TBC1D31: variants seen among roughly 807,000 people sequenced by gnomAD.
TBC1D31 encodes the protein WD repeat domain 67.
A neutral mutation model predicts 132.9 loss-of-function variants in TBC1D31; 99 were observed. The ratio of observed to expected loss-of-function variants is 0.74; its 90% confidence interval spans 0.63 to 0.88. TBC1D31 has a LOEUF of 0.88. Ranked by LOEUF, TBC1D31 falls within the 40% of genes least tolerant of loss-of-function variation. The pLI is 0.00. For synonymous variants in TBC1D31, 385 were observed against 419.4 expected, an observed-to-expected ratio of 0.92 and a Z score of 1.00; for missense variants, 1,134 against 1,256.6, an observed-to-expected ratio of 0.90 and a Z score of 1.48.
intron 20 of TBC1D31, 114 bp from the exon 21 acceptor site, chr8:123,149,922 G>T: frequency 1.6e-6 from 1 of 628,294 alleles, no homozygotes; most frequent in Non-Finnish European, 2.8e-6. Context: ...AAATAGAAAA[G>T]AAAGGAGTTT....
intron 10 of TBC1D31, among the ~76,000 whole-genome samples, chr8:123,111,276 T>C (rs964711946): frequency 1.3e-5 from 2 of 152,236 alleles, no homozygotes; most frequent in Admixed American, 6.5e-5. Context: ...AGTGATAATA[T>C]AATTCTGTTC....
At chr8:123,080,798 G>T (rs147559436) in intron 2 of TBC1D31, among the ~76,000 whole-genome samples, 1 of 152,060 alleles carries the variant, frequency 6.6e-6, no homozygotes, top group African/African-American at 2.4e-5. Context: ...GCCTCCCAAA[G>T]TGTTGGGATT....
At chr8:123,131,925 T>C (rs1241048052) in intron 16 of TBC1D31, among the ~76,000 whole-genome samples, 1 of 152,226 alleles carries the variant, frequency 6.6e-6, no homozygotes, top group Non-Finnish European at 1.5e-5. Context: ...CTTCCATGTG[T>C]AGAATTACAC....
the TBC1D31 span, among the ~76,000 whole-genome samples, chr8:123,164,130 A>G: frequency 1.3e-5 from 2 of 152,206 alleles, no homozygotes; most frequent in African/African-American, 2.4e-5. Context: ...GAATCTGTGT[A>G]TCAGCTGGGT....
At chr8:123,125,912 G>T in intron 11 of TBC1D31, 144 bp from the exon 12 acceptor site, 1 of 591,202 alleles carries the variant, frequency 1.7e-6, no homozygotes, top group Non-Finnish European at 2.5e-6. Context: ...TTTTAAAATC[G>T]ATTGTCATAC....
chr8:123,137,355 G>C (rs1030052650), intron 17 of TBC1D31, among the ~76,000 whole-genome samples: 4 of 152,136 alleles, frequency 2.6e-5, no homozygotes, highest in African/African-American at 9.7e-5. Flanking sequence ...CCACCCTCAG[G>C]TTCAGTGATT....
intron 4 of TBC1D31, 96 bp from the exon 5 acceptor site, chr8:123,093,495 A>G (rs1816548562): frequency 3.8e-6 from 3 of 780,568 alleles, no homozygotes; most frequent in Non-Finnish European, 5.6e-6. Context: ...AGAAAATAAT[A>G]TTTTAATAAA....
At chr8:123,132,403 C>CTTTTTTTTTT (rs34901750) in intron 16 of TBC1D31, among the ~76,000 whole-genome samples, 1 of 55,446 alleles carries the variant, frequency 1.8e-5, no homozygotes, top group Non-Finnish European at 3.5e-5. Flanking sequence ...TTTTTTAAGT[C>CTTTTTTTTTT]TTTTTTTTTT....
rs1232850787 is a variant in TBC1D31 at position 123,149,326 on chromosome 8, T to G, written c.2975-710T>G. Among the ~76,000 whole-genome samples the G allele has an allele frequency of 2.0e-5, 3 of 152,318 alleles. No homozygotes were observed. The East Asian group carries it at 5.8e-4, about 29-fold the overall frequency. On this transcript the variant is annotated intron_variant, in intron 20 of 21. Coordinates refer to ENST00000287380, the MANE Select transcript of TBC1D31 (RefSeq NM_145647.4). ...TGAGGTAAAACCATTAGCTAAAGCT[T>G]TTCAGAGAGGTAAAAGGCAGACATC...
At position 123,100,862 on chromosome 8, in the gene TBC1D31, G is replaced by A. The variant is rs1817333131; in HGVS notation, c.887G>A (p.Cys296Tyr). 6.2e-7 allele frequency: 1 copy of A among 1,613,958 alleles called. No homozygotes were observed. The highest frequency in any genetic ancestry group is 8.5e-7 in the Non-Finnish European group (1 of 1,179,926). Residue 296 changes from cysteine to tyrosine, a missense_variant, in exon 7 of 22, where the codon TGT becomes TAT. Physicochemically the swap from Cys to Tyr is radical, Grantham distance 194. Transcript: ENST00000287380. ...GIMRFINMQT[C>Y]KLLFEIGSLD... The stretch of plus-strand genomic sequence containing the variant: ...ATGAGATTTATCAATATGCAGACTT[G>A]TAAACTTCTCTTTGAGATTGGGAGC...
At chr8:123,160,424 G>GGGAAGAAGAGGGA in the TBC1D31 span, among the ~76,000 whole-genome samples, 46 of 151,466 alleles carry the variant, frequency 3.0e-4, no homozygotes, top group African/African-American at 8.3e-4. Flanking sequence ...AGGAGAGGAG[G>GGGAAGAAGAGGGA]GGAGGGAGAG....
Position 123,109,387 on chromosome 8 carries a change from C to T in TBC1D31, c.1280C>T (p.Thr427Ile). The T allele has an allele frequency of 6.2e-7, 1 of 1,610,218 alleles. No homozygotes were observed. Among genetic ancestry groups the T allele is most frequent in the Non-Finnish European group, 8.5e-7 (1 of 1,177,522 alleles). ...ILLKGYGEYP[T>I]KYRMFIWRSL... ...TTAAAAGGCTATGGTGAATATCCAA[C>T]AAAATACAGGTACAATTTAAATTCT... The change falls in exon 9 of 22, where the codon ACA becomes ATA. Residue 427 changes from threonine to isoleucine, a missense_variant. Coordinates refer to ENST00000287380, the MANE Select transcript of TBC1D31 (RefSeq NM_145647.4).
In TBC1D31 at chr8:123,104,461, C is replaced by G. The variant is rs564384899; in HGVS notation, c.1033-827C>G. On this transcript the variant is annotated intron_variant, in intron 7 of 21. Transcript: ENST00000287380. ...ATATGGGTAATATTCATAAGTCAGA[C>G]CACTATTAATCCCATCCCATAGATG... Among the ~76,000 whole-genome samples, 3 of 152,246 alleles carry G rather than the reference C, an allele frequency of 2.0e-5. No individual in the cohort carries two copies. In the East Asian group the frequency reaches 5.8e-4, roughly 29 times the overall value.
chr8:123,086,435 G>A (rs191612326), intron 4 of TBC1D31, among the ~76,000 whole-genome samples: 1 of 152,292 alleles, frequency 6.6e-6, no homozygotes, highest in East Asian at 1.9e-4. Context: ...GGCTGCAAGT[G>A]CCAGAGCCGG....
intron 7 of TBC1D31, chr8:123,103,822 A>G (rs939500713): frequency 2.6e-5 from 4 of 152,212 alleles, no homozygotes; most frequent in African/African-American, 7.2e-5. Context: ...GAGCAAATTG[A>G]TATCACATGA....
At chr8:123,163,750 T>C in the TBC1D31 span, among the ~76,000 whole-genome samples, 1 of 152,172 alleles carries the variant, frequency 6.6e-6, no homozygotes, top group Non-Finnish European at 1.5e-5. Context: ...AGTTCTTTAG[T>C]GGTGATTTCT....
At chr8:123,118,274 G>A (rs1819145025) in intron 10 of TBC1D31, among the ~76,000 whole-genome samples, 2 of 152,116 alleles carry the variant, frequency 1.3e-5, no homozygotes, top group Admixed American at 6.5e-5. Context: ...ATGTGCCAGT[G>A]TTAATTTCTT....
At chr8:123,125,859 A>AG (rs1208689455) in intron 11 of TBC1D31, among the ~76,000 whole-genome samples, 197 bp from the exon 12 acceptor site, 1 of 152,146 alleles carries the variant, frequency 6.6e-6, no homozygotes, top group Non-Finnish European at 1.5e-5. Flanking sequence ...CTGTAAGGAA[A>AG]TTTGCAAAAT....
chr8:123,101,000 T>G lies in TBC1D31; in HGVS notation c.1025T>G (p.Ile342Arg), dbSNP rs775832511. Reference sequence around the variant, plus strand: ...TCAGTTCAGGCTTTAACACAAGAAATAAATAAGGTATGTATGATGAAGTAA... The same window carrying G: ...TCAGTTCAGGCTTTAACACAAGAAAGAAATAAGGTATGTATGATGAAGTAA... ...IYSVQALTQEINKPPPPLVKV... is the reference protein window; with the variant it reads ...IYSVQALTQERNKPPPPLVKV... The change falls in exon 7 of 22, where the codon ATA (isoleucine) becomes AGA (arginine). Residue 342 changes from isoleucine to arginine, a missense_variant. Physicochemically the swap from Ile to Arg is moderately conservative, Grantham distance 97. Coordinates refer to ENST00000287380, the MANE Select transcript of TBC1D31 (RefSeq NM_145647.4). The G allele has an allele frequency of 6.2e-7, 1 of 1,606,344 alleles. No homozygotes were observed. Among genetic ancestry groups the G allele is most frequent in the Non-Finnish European group, 8.5e-7 (1 of 1,173,204 alleles).
Sources: allele counts gnomAD v4.1 joint callset (sites outside exome capture counted in the v4.1 genomes callset), GRCh38; gene constraint gnomAD v4.1.1; transcripts MANE v1.5; gene names NCBI Gene and HGNC (gene_info 2026-07-23, HGNC 2026-07-21).